UST: variants seen among roughly 807,000 people sequenced by gnomAD.
UST encodes the protein uronyl 2-sulfotransferase.
In UST, 21 loss-of-function variants were observed where a neutral mutation model predicts 45.6. The ratio of observed to expected loss-of-function variants is 0.46; its 90% CI spans 0.33 to 0.66. The LOEUF (loss-of-function observed/expected upper bound fraction) is 0.66. Ranked by LOEUF, UST falls within the 30% of genes least tolerant of loss-of-function variation. The pLI, the probability that UST is intolerant of heterozygous loss-of-function variation, is 0.02. For missense variants in UST, 463 were observed against 512.4 expected (o/e 0.90, Z 0.93); for synonymous variants, 215 against 200.6 (o/e 1.07, Z -0.61).
chr6:148,929,076 T>C (rs1053370445), intron 2 of UST, among the ~76,000 whole-genome samples: 19 of 152,196 alleles, frequency 1.2e-4, no homozygotes, highest in African/African-American at 4.6e-4. Flanking sequence ...CCCTTTTCTG[T>C]AGATGAGGAA....
chr6:148,993,209 G>A (rs1781387861), intron 5 of UST: 1 of 327,294 alleles, frequency 3.1e-6, no homozygotes, highest in African/African-American at 2.2e-5. Flanking sequence ...TTTCTCCTGA[G>A]CCTTCCATCA....
chr6:148,879,561 G>A (rs1778784933), intron 1 of UST, among the ~76,000 whole-genome samples: 1 of 152,200 alleles, frequency 6.6e-6, no homozygotes, highest in Non-Finnish European at 1.5e-5. Context: ...GGCCCTGACA[G>A]CAACATTTCT....
At chr6:148,935,153 C>A (rs1779995222) in intron 2 of UST, among the ~76,000 whole-genome samples, 1 of 152,196 alleles carries the variant, frequency 6.6e-6, no homozygotes, top group South Asian at 2.1e-4. Context: ...GGAAAGATTT[C>A]TGTTTATCTG....
chr6:148,809,136 C>T (rs1483852374), intron 1 of UST, among the ~76,000 whole-genome samples: 1 of 152,344 alleles, frequency 6.6e-6, no homozygotes, highest in East Asian at 1.9e-4. Context: ...CAAACCTCAG[C>T]AGGGCCTGTG....
At chr6:148,957,843 C>A (rs1780551276) in intron 4 of UST, among the ~76,000 whole-genome samples, 1 of 152,184 alleles carries the variant, frequency 6.6e-6, no homozygotes, top group African/African-American at 2.4e-5. Context: ...TGCTGACAGA[C>A]CTATTGCTTG....
intron 5 of UST, among the ~76,000 whole-genome samples, chr6:149,006,057 G>A (rs150011097): frequency 1.6e-3 from 248 of 152,326 alleles, no homozygotes; most frequent in African/African-American, 5.1e-3. Context: ...CACAGTGGGC[G>A]TTTCTTGCAC....
At position 148,748,692 on chromosome 6, in the gene UST, C is replaced by A. The variant is rs770973749; in HGVS notation, c.247+1015C>A. Among the ~76,000 whole-genome samples, 2 of 151,916 alleles carry A rather than the reference C, an allele frequency of 1.3e-5. No homozygotes were observed. Among genetic ancestry groups the A allele is most frequent in the African/African-American group, 2.4e-5 (1 of 41,344 alleles). On this transcript the variant is annotated intron_variant, in intron 1 of 7. Coordinates refer to ENST00000367463, the MANE Select transcript of UST (RefSeq NM_005715.3). The surrounding 1 kb of genome is among the most constrained non-coding windows in gnomAD (Gnocchi z 5.3). ...AAGTCTGTGGCCAGAAGAGGTCGTG[C>A]GGGGGTGAAGGCTGGGAGAGCTCCA... is the stretch of plus-strand genomic sequence containing the variant.
At chr6:148,747,965 T>A (rs1369972724) in intron 1 of UST, among the ~76,000 whole-genome samples, 1 of 152,134 alleles carries the variant, frequency 6.6e-6, no homozygotes, top group Non-Finnish European at 1.5e-5. Context: ...GCCACCCGGA[T>A]CCGGACTGGG....
At chr6:148,922,161 A>T (rs1288669146) in intron 2 of UST, among the ~76,000 whole-genome samples, 1 of 152,202 alleles carries the variant, frequency 6.6e-6, no homozygotes, top group Non-Finnish European at 1.5e-5. Flanking sequence ...GTATATTCAC[A>T]AAATTTTGCC....
At chr6:149,026,885 T>C (rs941307490) in intron 7 of UST, among the ~76,000 whole-genome samples, 9 of 152,184 alleles carry the variant, frequency 5.9e-5, no homozygotes, top group Non-Finnish European at 1.3e-4. Context: ...TACTAGACTT[T>C]TGTGGGCTGC....
intron 1 of UST, among the ~76,000 whole-genome samples, chr6:148,802,833 G>C (rs550161716): frequency 6.6e-6 from 1 of 152,266 alleles, no homozygotes; most frequent in South Asian, 2.1e-4. Flanking sequence ...TTAGAGCTTT[G>C]AGCAGAACGG....
intron 2 of UST, among the ~76,000 whole-genome samples, chr6:148,899,840 G>C (rs1779213195): frequency 6.6e-6 from 1 of 152,102 alleles, no homozygotes; most frequent in African/African-American, 2.4e-5. Flanking sequence ...TCAGCTTTAG[G>C]CATTGTCTGT....
chr6:148,846,672 G>T (rs1777998372), intron 1 of UST, among the ~76,000 whole-genome samples: 1 of 152,184 alleles, frequency 6.6e-6, no homozygotes, highest in Non-Finnish European at 1.5e-5. Context: ...GCCTGTCAAG[G>T]TCAGGAAACA....
intron 2 of UST, among the ~76,000 whole-genome samples, chr6:148,900,832 C>T (rs1280371132): frequency 2.0e-5 from 3 of 152,210 alleles, no homozygotes; most frequent in South Asian, 2.1e-4. Flanking sequence ...AGCAGAGATG[C>T]GTTCCTTCTG....
chr6:148,920,161 G>A (rs9766816), intron 2 of UST, among the ~76,000 whole-genome samples: 4,875 of 152,196 alleles, frequency 0.032, 273 homozygotes, highest in African/African-American at 0.11. Context: ...AGCTTAGACC[G>A]GCTTGTGATT....
At chr6:148,985,349 T>A (rs1781219701) in intron 5 of UST, among the ~76,000 whole-genome samples, 1 of 151,856 alleles carries the variant, frequency 6.6e-6, no homozygotes, top group Non-Finnish European at 1.5e-5. Context: ...GAGCCCAGAG[T>A]CACCCATTTT....
At chr6:148,924,640 TG>T (rs570073404) in intron 2 of UST, among the ~76,000 whole-genome samples, 1 of 152,116 alleles carries the variant, frequency 6.6e-6, no homozygotes. Context: ...TACGTTAGTG[TG>T]GGGGGACACT....
intron 7 of UST, among the ~76,000 whole-genome samples, chr6:149,072,035 AG>A (rs140142211): frequency 0.026 from 3,988 of 152,312 alleles, 72 homozygotes; most frequent in Non-Finnish European, 0.038. Flanking sequence ...AATTTTAAAA[AG>A]GGAGGAAAAT....
chr6:148,810,358 G>T (rs1375384579), intron 1 of UST, among the ~76,000 whole-genome samples: 1 of 152,178 alleles, frequency 6.6e-6, no homozygotes, highest in Non-Finnish European at 1.5e-5. Context: ...TATATGGTTT[G>T]CTATTGGCTT....
Sources: gnomAD v4.1 joint callset for allele counts (sites outside exome capture counted in the v4.1 genomes callset) on GRCh38, gnomAD v4.1.1 for gene constraint, Gnocchi (gnomAD v3.1) non-coding constraint, MANE v1.5 for transcripts, NCBI Gene and HGNC (gene_info 2026-07-23, HGNC 2026-07-21) for gene names.